Variants in AHSA1 observed in about 807,000 individuals in gnomAD.
AHSA1 encodes activator of 90 kDa heat shock protein ATPase homolog 1.
Under a neutral mutation model 46.1 loss-of-function variants are expected in AHSA1, and 14 were observed. The ratio of observed to expected loss-of-function variants is 0.30; its 90% CI spans 0.20 to 0.47. The LOEUF (loss-of-function observed/expected upper bound fraction) is 0.47. Ranked by LOEUF, AHSA1 falls within the 20% of genes least tolerant of loss-of-function variation. The pLI, the probability that AHSA1 is intolerant of heterozygous loss-of-function variation, is 0.99. For missense variants in AHSA1, 333 were observed against 415.9 expected, an observed-to-expected ratio of 0.80 and a Z score of 1.73; for synonymous variants, 147 against 145.8, an observed-to-expected ratio of 1.01 and a Z score of -0.06.
At chr14:77,461,511 C>G (rs2079024553) in intron 2 of AHSA1, among the ~76,000 whole-genome samples, 1 of 152,094 alleles carries the variant, frequency 6.6e-6, no homozygotes. Context: ...GCCTGAGCGA[C>G]AGAGCAAGAC....
chr14:77,468,772 G>A, intron 8 of AHSA1: 1 of 479,104 alleles, frequency 2.1e-6, no homozygotes, highest in Non-Finnish European at 3.5e-6. Flanking sequence ...TGTAGAGATG[G>A]GGTCCTACTA....
At chr14:77,468,741 T>TTCC in intron 8 of AHSA1, 2 of 457,152 alleles carry the variant, frequency 4.4e-6, no homozygotes, top group Non-Finnish European at 3.8e-6. Context: ...TTTTTTTTTT[T>TTCC]TTTTACTTTT....
Position 77,469,421 on chromosome 14 carries a change from G to A in AHSA1, c.*172G>A. Reference sequence around the variant, plus strand: ...GTTTTCTGCTGGGTGGGTTCAGAGGGCAATTTCTCTTTTATGTGTACATAT... The same window carrying A: ...GTTTTCTGCTGGGTGGGTTCAGAGGACAATTTCTCTTTTATGTGTACATAT... On this transcript the variant is annotated 3_prime_UTR_variant, in exon 9 of 9. Transcript: ENST00000216479. 1.5e-6 allele frequency: 1 copy of A among 650,938 alleles called. No homozygotes were observed. The highest frequency in any genetic ancestry group is 2.1e-5 in the South Asian group (1 of 48,716). 40.3% of individuals were successfully genotyped at this position (650,938 alleles called of 1,614,324 possible).
intron 6 of AHSA1, among the ~76,000 whole-genome samples, chr14:77,467,648 C>T (rs1390888778): frequency 3.3e-5 from 5 of 152,152 alleles, no homozygotes; most frequent in Non-Finnish European, 5.9e-5. Context: ...GAGCCGAGAT[C>T]GCGCCACTGC....
At position 77,462,194 on chromosome 14, in the gene AHSA1, T is replaced by C. The variant is rs1350983387; in HGVS notation, c.306T>C (p.His102=). The change falls in exon 3 of 9, where the codon CAT becomes CAC. Residue 102 remains histidine, a synonymous_variant. Coordinates refer to ENST00000216479, the MANE Select transcript of AHSA1 (RefSeq NM_012111.3). ...TSKSGVQYKG[H]VEIPNLSDEN... ...AGTCAGGAGTACAATACAAAGGACA[T>C]GTGGAGATCCCCAATTTGTCTGATG... 2 of 1,613,718 alleles carry C rather than the reference T, an allele frequency of 1.2e-6. No homozygotes were observed. Among genetic ancestry groups the C allele is most frequent in the Admixed American group, 1.7e-5 (1 of 60,010 alleles).
At chr14:77,464,498 C>G (rs2079039603) in intron 4 of AHSA1, 100 bp from the exon 5 acceptor site, 1 of 1,035,298 alleles carries the variant, frequency 9.7e-7, no homozygotes, top group South Asian at 1.5e-5. Context: ...GTCATAACCT[C>G]ATTCTGTGGT....
chr14:77,465,549 C>T lies in AHSA1; in HGVS notation c.572C>T (p.Ala191Val), dbSNP rs751654040. ...LKTEERKAKP[A>V]PSKTQARPVG... ...CTGCCACCTTCACAGGCTAAGCCTG[C>T]TCCTTCAAAAACCCAGGCCAGACCT... Residue 191 changes from alanine to valine, a missense_variant, in exon 6 of 9, where the codon GCT becomes GTT. By Grantham distance (64) the Ala-to-Val change is moderately conservative. Transcript: ENST00000216479. 6 of 1,613,908 alleles carry T rather than the reference C, an allele frequency of 3.7e-6. No homozygotes were observed. In the East Asian group the frequency reaches 6.7e-5, roughly 18 times the overall value.
chr14:77,468,303 T>A, intron 7 of AHSA1, 119 bp downstream of exon 7: 2 of 1,123,256 alleles, frequency 1.8e-6, no homozygotes, highest in Non-Finnish European at 2.6e-6. Flanking sequence ...AATAAAACAT[T>A]TTGTTTTTCA....
At chr14:77,468,245 C>A in intron 7 of AHSA1, 61 bp downstream of exon 7, 2 of 1,255,122 alleles carry the variant, frequency 1.6e-6, no homozygotes, top group Non-Finnish European at 2.2e-6. Context: ...TGACATTTCT[C>A]TTTTTCTGAA....
At chr14:77,468,531 A>G (rs758154616) in intron 8 of AHSA1, 23 bp downstream of exon 8, 1 of 1,580,442 alleles carries the variant, frequency 6.3e-7, no homozygotes, top group Non-Finnish European at 8.7e-7. Context: ...ATTTATTGCC[A>G]TTACCCCCAG....
At chr14:77,462,392 A>G (rs11159262) in intron 3 of AHSA1, 150 bp downstream of exon 3, 407,736 of 799,216 alleles carry the variant, frequency 0.51, 111,892 homozygotes, top group East Asian at 0.93. Context: ...ATATGGTGCC[A>G]TTGGAAACTT....
intron 2 of AHSA1, chr14:77,460,082 GAT>G (rs1285164008): frequency 2.4e-5 from 11 of 462,128 alleles, no homozygotes; most frequent in East Asian, 1.3e-4. Context: ...CACCTACGAT[GAT>G]ATTTCTTCAG....
intron 2 of AHSA1, among the ~76,000 whole-genome samples, chr14:77,461,776 A>T (rs1376268328): frequency 6.6e-6 from 1 of 152,220 alleles, no homozygotes; most frequent in Non-Finnish European, 1.5e-5. Context: ...AGTCACATAT[A>T]AGCAAACATG....
At position 77,458,261 on chromosome 14, in the gene AHSA1, C is replaced by T; in HGVS notation, c.72C>T (p.Asn24=). 1.3e-6 allele frequency: 2 copies of T among 1,547,936 alleles called. No individual in the cohort carries two copies. Among genetic ancestry groups the T allele is most frequent in the Non-Finnish European group, 1.7e-6 (2 of 1,145,766 alleles). The change falls in exon 1 of 9, where the codon AAC becomes AAT. Residue 24 remains asparagine, a synonymous_variant. Coordinates refer to ENST00000216479, the MANE Select transcript of AHSA1 (RefSeq NM_012111.3). ...GGGCGGACGCCACCAACGTCAACAA[C>T]TGGCACTGGTGAGGGCCAGAAAAGC... ...EERADATNVN[N]WHWTERDASN...
rs1463941120 is a variant in AHSA1 at position 77,458,138 on chromosome 14, A to T, written c.-52A>T. ...GGGCGGCTGGCACTAAGCGGTCCTG[A>T]GGCTGTGGCTACGGCTGCTCCGGAG... is the stretch of plus-strand genomic sequence containing the variant. On this transcript the variant is annotated 5_prime_UTR_variant, in exon 1 of 9. Coordinates refer to ENST00000216479, the MANE Select transcript of AHSA1 (RefSeq NM_012111.3). 51 of 1,480,656 alleles carry T rather than the reference A, an allele frequency of 3.4e-5. No homozygotes were observed. Among genetic ancestry groups the T allele is most frequent in the African/African-American group, 4.4e-5 (3 of 68,918 alleles). The allele number at this position is 1,480,656 out of a possible 1,614,324, so 91.7% of individuals were successfully genotyped here. A position where few individuals can be genotyped will look rare whatever the true frequency, so the allele number is the denominator to read the frequency against.
At chr14:77,463,996 C>T (rs1233976388) in intron 4 of AHSA1, among the ~76,000 whole-genome samples, 1 of 152,248 alleles carries the variant, frequency 6.6e-6, no homozygotes, top group African/African-American at 2.4e-5. Flanking sequence ...ATCAAAGTGC[C>T]ACGGCGTTCA....
chr14:77,458,756 A>G (rs1452496200), intron 1 of AHSA1, among the ~76,000 whole-genome samples: 1 of 152,186 alleles, frequency 6.6e-6, no homozygotes, highest in Non-Finnish European at 1.5e-5. Flanking sequence ...AGGTGCTCAG[A>G]GCTCAGATAG....
At chr14:77,461,841 T>C (rs915653458) in intron 2 of AHSA1, among the ~76,000 whole-genome samples, 2 of 152,230 alleles carry the variant, frequency 1.3e-5, no homozygotes, top group South Asian at 2.1e-4. Flanking sequence ...CTGAAATAAA[T>C]TGATATTTTC....
intron 8 of AHSA1, chr14:77,468,721 C>CTTTTTTTTTTTTT (rs572116649): frequency 1.6e-4 from 36 of 224,420 alleles, no homozygotes; most frequent in African/African-American, 7.8e-4. Flanking sequence ...ACCATGCCAG[C>CTTTTTTTTTTTTT]TTTTTTTTTT....
Sources: gnomAD v4.1 joint callset for allele counts (sites outside exome capture counted in the v4.1 genomes callset) on GRCh38, gnomAD v4.1.1 for gene constraint, MANE v1.5 for transcripts, NCBI Gene and HGNC (gene_info 2026-07-23, HGNC 2026-07-21) for gene names.